Variants in NKAIN2 observed in about 807,000 individuals in gnomAD.
NKAIN2 encodes the protein sodium/potassium-transporting ATPase subunit beta-1-interacting protein 2.
A neutral mutation model predicts 32.6 loss-of-function variants in NKAIN2; 14 were observed. The ratio of observed to expected loss-of-function variants is 0.43; its 90% CI spans 0.28 to 0.67. The LOEUF is 0.67. Among genes scored for constraint, NKAIN2 ranks in the 30% least tolerant of loss-of-function variants. NKAIN2 has a pLI of 0.17. For synonymous variants in NKAIN2, 80 were observed against 87.2 expected (o/e 0.92, Z 0.46); for missense variants, 198 against 258.3 (o/e 0.77, Z 1.60).
chr6:124,568,643 C>A (rs779622731), intron 3 of NKAIN2, among the ~76,000 whole-genome samples: 2 of 151,980 alleles, frequency 1.3e-5, no homozygotes, highest in Non-Finnish European at 2.9e-5. Context: ...AAGTTTATCA[C>A]TTCTAGCTGG....
chr6:124,170,690 T>C (rs1482292941), intron 1 of NKAIN2, among the ~76,000 whole-genome samples: 3 of 152,222 alleles, frequency 2.0e-5, no homozygotes, highest in Admixed American at 2.0e-4. Context: ...AGCCACTTTT[T>C]ATGTCCAATA....
intron 3 of NKAIN2, among the ~76,000 whole-genome samples, chr6:124,557,088 G>T (rs1031970898): frequency 1.3e-5 from 2 of 152,130 alleles, no homozygotes; most frequent in Non-Finnish European, 2.9e-5. Flanking sequence ...AGATGTCAAT[G>T]CAATGTGCCT....
intron 1 of NKAIN2, among the ~76,000 whole-genome samples, chr6:124,010,702 G>C (rs114612570): frequency 0.021 from 3,154 of 151,948 alleles, 43 homozygotes; most frequent in African/African-American, 0.032. Context: ...AATTGTGTGT[G>C]TGTGCATGTG....
intron 3 of NKAIN2, among the ~76,000 whole-genome samples, chr6:124,595,021 G>T (rs1782034099): frequency 2.0e-5 from 3 of 152,102 alleles, no homozygotes; most frequent in Non-Finnish European, 4.4e-5. Context: ...GAGGAAAAGA[G>T]GTTGTGTTGG....
At chr6:124,267,963 C>T (rs752487278) in intron 1 of NKAIN2, among the ~76,000 whole-genome samples, 1 of 152,164 alleles carries the variant, frequency 6.6e-6, no homozygotes, top group Non-Finnish European at 1.5e-5. Flanking sequence ...TGTTTTTCCA[C>T]TCATCCTTTA....
intron 1 of NKAIN2, among the ~76,000 whole-genome samples, chr6:124,277,065 A>C (rs964467845): frequency 2.0e-5 from 3 of 152,184 alleles, no homozygotes. Context: ...ATCACAGGGC[A>C]AGGGTTTCCT....
At position 124,823,301 on chromosome 6, in the gene NKAIN2, A is replaced by G. The variant is rs1401445808; in HGVS notation, c.*72A>G. 1.6e-5 allele frequency: 16 copies of G among 1,031,614 alleles called. No individual in the cohort carries two copies. The highest frequency in any genetic ancestry group is 2.0e-5 in the Non-Finnish European group (13 of 647,430). 63.9% of individuals were successfully genotyped at this position (1,031,614 alleles called of 1,614,324 possible). A position where few individuals can be genotyped will look rare whatever the true frequency, so the allele number is the denominator to read the frequency against. Reference sequence around the variant, plus strand: ...TTTTCGCAGTGGCCTCCTGCATTTCATGAAGAGCAAGAAGCAACTGAGTTT... The same window carrying G: ...TTTTCGCAGTGGCCTCCTGCATTTCGTGAAGAGCAAGAAGCAACTGAGTTT... On this transcript the variant is annotated 3_prime_UTR_variant, in exon 7 of 7. Transcript: ENST00000368417.
chr6:124,443,381 A>T (rs2114601885), intron 3 of NKAIN2, among the ~76,000 whole-genome samples: 1 of 152,268 alleles, frequency 6.6e-6, no homozygotes, highest in Non-Finnish European at 1.5e-5. Flanking sequence ...AAAAATAATT[A>T]ACAGTATATT....
At chr6:124,764,173 T>G (rs1044792917) in intron 4 of NKAIN2, among the ~76,000 whole-genome samples, 1 of 152,222 alleles carries the variant, frequency 6.6e-6, no homozygotes, top group Non-Finnish European at 1.5e-5. Flanking sequence ...AGAAAATAAT[T>G]GCATATTTTA....
intron 3 of NKAIN2, among the ~76,000 whole-genome samples, chr6:124,405,069 G>A (rs1314285476): frequency 6.6e-6 from 1 of 152,098 alleles, no homozygotes; most frequent in African/African-American, 2.4e-5. Flanking sequence ...CTATAGTAGT[G>A]TCCACTGCAC....
In NKAIN2 at chr6:124,608,376, T is replaced by A. The variant is rs895584708; in HGVS notation, c.274-49810T>A. On this transcript the variant is annotated intron_variant, in intron 3 of 6. Transcript: ENST00000368417. ...TTGAACTGAATTGTCTTCCTTATCA[T>A]CCCCTTCAACAAGATAGAGGTAGTA... Among the ~76,000 whole-genome samples the A allele has an allele frequency of 9.6e-4, 146 of 152,194 alleles. 2 individuals carry two copies. The highest frequency in any genetic ancestry group is 1.6e-4 in the Non-Finnish European group (11 of 68,018).
chr6:124,689,028 T>C (rs1248690782), intron 4 of NKAIN2, among the ~76,000 whole-genome samples: 1 of 152,136 alleles, frequency 6.6e-6, no homozygotes, highest in African/African-American at 2.4e-5. Context: ...GGTAAGAGTG[T>C]ATTTAGTTTT....
chr6:124,101,682 C>A (rs1395119670), intron 1 of NKAIN2, among the ~76,000 whole-genome samples: 1 of 151,880 alleles, frequency 6.6e-6, no homozygotes, highest in Non-Finnish European at 1.5e-5. Flanking sequence ...GAGATGAGAG[C>A]GCTTGGAATG....
chr6:124,587,844 G>A (rs1168999361), intron 3 of NKAIN2, among the ~76,000 whole-genome samples: 1 of 152,142 alleles, frequency 6.6e-6, no homozygotes, highest in African/African-American at 2.4e-5. Context: ...ACAGAAATGG[G>A]AAAGAAAATG....
At chr6:124,466,233 C>CA (rs1250955856) in intron 3 of NKAIN2, among the ~76,000 whole-genome samples, 1 of 152,046 alleles carries the variant, frequency 6.6e-6, no homozygotes, top group East Asian at 1.9e-4. Context: ...CACTTATAGC[C>CA]AACCATGACG....
Position 124,305,469 on chromosome 6 carries a change from T to C in NKAIN2, c.192+22327T>C, listed in dbSNP as rs1003469598. On this transcript the variant is annotated intron_variant, in intron 2 of 6. Transcript: ENST00000368417. ...ATGTTGTTGATAATTCTGATTTTGG[T>C]GGTAGGGGACAGTGGCTCTAATTAA... Among the ~76,000 whole-genome samples, 3 of 152,142 alleles carry C rather than the reference T, an allele frequency of 2.0e-5. No individual in the cohort carries two copies. In the East Asian group the frequency reaches 5.8e-4, roughly 29 times the overall value.
At chr6:124,585,414 T>C (rs963637728) in intron 3 of NKAIN2, among the ~76,000 whole-genome samples, 5 of 152,168 alleles carry the variant, frequency 3.3e-5, no homozygotes, top group African/African-American at 1.2e-4. Flanking sequence ...AACAGGTTAC[T>C]ACAGTCAACA....
At chr6:124,010,421 T>A (rs1415004267) in intron 1 of NKAIN2, among the ~76,000 whole-genome samples, 1 of 151,778 alleles carries the variant, frequency 6.6e-6, no homozygotes, top group East Asian at 1.9e-4. Flanking sequence ...ATGGATACTT[T>A]AACATTGTAG....
Position 124,658,478 on chromosome 6 carries a change from A to C in NKAIN2, c.474+92A>C, listed in dbSNP as rs1162878032. 4 of 1,591,854 alleles carry C rather than the reference A, an allele frequency of 2.5e-6. No individual in the cohort carries two copies. In the South Asian group the frequency reaches 3.4e-5, roughly 14 times the overall value. ...GTGCACACAAATGGAATCTGTGGGT[A>C]AAGTGTGGCCTTTTTGCTTTTTCCT... On this transcript the variant is annotated intron_variant, in intron 4 of 6. Transcript: ENST00000368417.
Sources: gnomAD v4.1 joint callset for allele counts (sites outside exome capture counted in the v4.1 genomes callset) on GRCh38, gnomAD v4.1.1 for gene constraint, MANE v1.5 for transcripts, NCBI Gene and HGNC (gene_info 2026-07-23, HGNC 2026-07-21) for gene names.